The following SPTB variants were observed in gnomAD, a reference collection of about 807,000 sequenced individuals.
The protein encoded by SPTB is spectrin beta, erythrocytic.
In SPTB, 45 loss-of-function variants were observed where a neutral mutation model predicts 256.2. The ratio of observed to expected loss-of-function variants is 0.18; its 90% CI spans 0.14 to 0.23. The LOEUF (loss-of-function observed/expected upper bound fraction) is 0.23, where lower values mean the gene tolerates loss of function less well. Ranked by LOEUF, SPTB falls within the 10% of genes least tolerant of loss-of-function variation. The probability of loss-of-function intolerance (pLI) is 1.00; values close to 1 mark genes in which losing one functional copy is unlikely to be tolerated. For missense variants in SPTB, 2,715 were observed against 3,040.4 expected (o/e 0.89, Z 2.52); for synonymous variants, 1,231 against 1,243.1 (o/e 0.99, Z 0.21).
rs541042929 is a variant in SPTB, at chr14:64,792,100, C to T, written c.2667-244G>A. On this transcript the variant is annotated intron_variant, in intron 14 of 35. Coordinates refer to ENST00000644917, the MANE Select transcript of SPTB (RefSeq NM_001355436.2). The surrounding 1 kb of genome is among the most constrained non-coding windows in gnomAD (Gnocchi z 4.2). Reference sequence around the variant, plus strand: ...GGGAGAGAGCCAGTTACTTCCTACACGGGCTTCTGGCTCAAGAGAGACATA... The same window carrying T: ...GGGAGAGAGCCAGTTACTTCCTACATGGGCTTCTGGCTCAAGAGAGACATA... Among the ~76,000 whole-genome samples the T allele has an allele frequency of 4.3e-4, 66 of 152,278 alleles. No individual in the cohort carries two copies. The highest frequency in any genetic ancestry group is 1.5e-3 in the African/African-American group (61 of 41,544).
At position 64,848,853 on chromosome 14, in the gene SPTB, T is replaced by C. The variant is rs200090004; in HGVS notation, c.-51-25708A>G. On this transcript the variant is annotated intron_variant, in intron 1 of 35. Coordinates refer to ENST00000644917, the MANE Select transcript of SPTB (RefSeq NM_001355436.2). ...AGCCACATAATACTCTTGACTTATGTAATCATATTTATATTAATAAAAATC... is the reference window on the plus strand; with the variant it reads ...AGCCACATAATACTCTTGACTTATGCAATCATATTTATATTAATAAAAATC... Among the ~76,000 whole-genome samples the C allele has an allele frequency of 7.2e-5, 11 of 152,374 alleles. No individual in the cohort carries two copies. The East Asian group carries it at 2.1e-3, about 29-fold the overall frequency.
rs1163836030 is a variant in SPTB, at chr14:64,866,857, G to A, written c.-52+12935C>T. Among the ~76,000 whole-genome samples, 5 of 152,066 alleles carry A rather than the reference G, an allele frequency of 3.3e-5. No homozygotes were observed. Among genetic ancestry groups the A allele is most frequent in the Non-Finnish European group, 7.4e-5 (5 of 68,016 alleles). ...CCCAGAAAAATAAAACCTCTATACA[G>A]GAATTTTCAGTCTTTTTTTTCTGAA... On this transcript the variant is annotated intron_variant, in intron 1 of 35. Coordinates refer to ENST00000644917, the MANE Select transcript of SPTB (RefSeq NM_001355436.2). The surrounding 1 kb of genome is among the most constrained non-coding windows in gnomAD (Gnocchi z 4.6).
rs2082565083 is a variant in SPTB at position 64,786,231 on chromosome 14, G to A, written c.3561+173C>T. ...GACCCAAGAACAAGGCGTAGTTTGG[G>A]ACACAAGGCTGGAAAAGGCCCCTAA... On this transcript the variant is annotated intron_variant, in intron 16 of 35. Coordinates refer to ENST00000644917, the MANE Select transcript of SPTB (RefSeq NM_001355436.2). The surrounding 1 kb of genome is among the most constrained non-coding windows in gnomAD (Gnocchi z 5.6). Among the ~76,000 whole-genome samples, 1 of 152,158 alleles carries A rather than the reference G, an allele frequency of 6.6e-6. No homozygotes were observed. The highest frequency in any genetic ancestry group is 2.4e-5 in the African/African-American group (1 of 41,436).
chr14:64,797,598 A>G (rs907004982), intron 10 of SPTB, 131 bp downstream of exon 10: 48 of 849,198 alleles, frequency 5.7e-5, no homozygotes, highest in South Asian at 2.4e-4. Flanking sequence ...ACTCCCCCAA[A>G]TAGTCAACAT....
chr14:64,773,650 G>T (rs1327372705), intron 24 of SPTB, among the ~76,000 whole-genome samples: 1 of 152,204 alleles, frequency 6.6e-6, no homozygotes, highest in Non-Finnish European at 1.5e-5. Context: ...GTCCTGGAGG[G>T]GTGCTTCCCA....
chr14:64,769,194 G>T, intron 28 of SPTB, 76 bp from the exon 29 acceptor site: 2 of 1,361,038 alleles, frequency 1.5e-6, no homozygotes, highest in Non-Finnish European at 2.1e-6. Flanking sequence ...GATGGGTCCT[G>T]CAAAGAATGC....
intron 1 of SPTB, among the ~76,000 whole-genome samples, chr14:64,863,080 G>A (rs2139806489): frequency 6.6e-6 from 1 of 152,152 alleles, no homozygotes; most frequent in South Asian, 2.1e-4. Flanking sequence ...ACCCTCTTGA[G>A]TCCTTTGTTA....
intron 2 of SPTB, among the ~76,000 whole-genome samples, chr14:64,818,177 C>T (rs993554005): frequency 6.6e-6 from 1 of 152,192 alleles, no homozygotes; most frequent in African/African-American, 2.4e-5. Flanking sequence ...AAATGAGAGG[C>T]CCTATTTAGT....
At position 64,793,933 on chromosome 14, in the gene SPTB, T is replaced by A; in HGVS notation, c.1796-66A>T. The A allele has an allele frequency of 1.3e-6, 2 of 1,527,154 alleles. No homozygotes were observed. The highest frequency in any genetic ancestry group is 1.8e-6 in the Non-Finnish European group (2 of 1,139,446). 94.6% of individuals were successfully genotyped at this position (1,527,154 alleles called of 1,614,324 possible). A position where few individuals can be genotyped will look rare whatever the true frequency, so the allele number is the denominator to read the frequency against. ...GCTTCATTTATGGGCACGCTTCAGA[T>A]AAGCTGCTAGGTTGGAACTACACAA... is the stretch of plus-strand genomic sequence containing the variant. On this transcript the variant is annotated intron_variant, in intron 13 of 35. Transcript: ENST00000644917. The surrounding 1 kb of genome is among the most constrained non-coding windows in gnomAD (Gnocchi z 7.0).
chr14:64,782,134 G>C (rs909070880), intron 20 of SPTB, among the ~76,000 whole-genome samples, 156 bp downstream of exon 20: 2 of 152,178 alleles, frequency 1.3e-5, no homozygotes, highest in Non-Finnish European at 2.9e-5. Context: ...CCTGGGTGAT[G>C]TAATAATATG....
intron 1 of SPTB, among the ~76,000 whole-genome samples, chr14:64,839,500 G>C (rs378391): frequency 0.91 from 137,752 of 152,184 alleles, 63,237 homozygotes; most frequent in Non-Finnish European, 0.98. Context: ...GGTGATACAA[G>C]TATATATATT....
intron 15 of SPTB, among the ~76,000 whole-genome samples, chr14:64,788,110 C>G (rs2082605833): frequency 6.6e-6 from 1 of 152,188 alleles, no homozygotes; most frequent in Non-Finnish European, 1.5e-5. Context: ...TTCATGTGCA[C>G]AGCACCTAAC....
rs910983805 is a variant in SPTB, at chr14:64,802,864, T to C, written c.475-547A>G. ...GCAGAGAATCAGTGACAAGATGCCCTGATTCCTCCTCTGGAGGTGCAATGC... is the reference window on the plus strand; with the variant it reads ...GCAGAGAATCAGTGACAAGATGCCCCGATTCCTCCTCTGGAGGTGCAATGC... On this transcript the variant is annotated intron_variant, in intron 4 of 35. Transcript: ENST00000644917. This position sits in a 1 kb window ranked among gnomAD's most constrained non-coding sequence, Gnocchi z 5.1. Among the ~76,000 whole-genome samples the C allele has an allele frequency of 6.6e-6, 1 of 152,206 alleles. No homozygotes were observed. The highest frequency in any genetic ancestry group is 2.4e-5 in the African/African-American group (1 of 41,458).
rs750065922 is a variant in SPTB at position 64,793,737 on chromosome 14, G to T, written c.1926C>A (p.Phe642Leu). The change falls in exon 14 of 36, where the codon TTC becomes TTA. Residue 642 changes from phenylalanine (F) to leucine (L), a missense_variant. By Grantham distance (22) the Phe-to-Leu change is conservative. Transcript: ENST00000644917. This position sits in a 1 kb window ranked among gnomAD's most constrained non-coding sequence, Gnocchi z 7.0. ...TCTCAGCCTCATCCATCTCCCAGAAGAACTTCCAGAGTCGTTTGGACTGCT... is the reference window on the plus strand; with the variant it reads ...TCTCAGCCTCATCCATCTCCCAGAATAACTTCCAGAGTCGTTTGGACTGCT... ...QLEQSKRLWKFFWEMDEAESW... is the reference protein window; with the variant it reads ...QLEQSKRLWKLFWEMDEAESW... The T allele has an allele frequency of 3.7e-6, 6 of 1,614,220 alleles. No homozygotes were observed. The highest frequency in any genetic ancestry group is 3.3e-5 in the South Asian group (3 of 91,088).
intron 1 of SPTB, among the ~76,000 whole-genome samples, chr14:64,854,571 C>T (rs982867638): frequency 1.3e-5 from 2 of 152,074 alleles, no homozygotes; most frequent in Admixed American, 1.3e-4. Flanking sequence ...AGCCACCGCG[C>T]CCGGCCAGTT....
rs564702418 is a variant in SPTB at position 64,790,770 on chromosome 14, A to C, written c.2804+949T>G. Among the ~76,000 whole-genome samples the C allele has an allele frequency of 1.2e-4, 19 of 152,344 alleles. No homozygotes were observed. The highest frequency in any genetic ancestry group is 4.1e-4 in the African/African-American group (17 of 41,582). ...GGTGAACATGTGGCATTGCATGTGC[A>C]GGGCCCACGGTAAAGACAGGGAATG... On this transcript the variant is annotated intron_variant, in intron 15 of 35. Transcript: ENST00000644917. This position sits in a 1 kb window ranked among gnomAD's most constrained non-coding sequence, Gnocchi z 4.8.
Position 64,758,382 on chromosome 14 carries a change from C to T in SPTB, c.6346-4589G>A, listed in dbSNP as rs778969180. Reference sequence around the variant, plus strand: ...GACAGGAAGGGAGAAGCCATGTGAACAGGTAAGCAGTGCAGGAGGGCCTGA... The same window carrying T: ...GACAGGAAGGGAGAAGCCATGTGAATAGGTAAGCAGTGCAGGAGGGCCTGA... On this transcript the variant is annotated intron_variant, in intron 32 of 35. Transcript: ENST00000644917. This position sits in a 1 kb window ranked among gnomAD's most constrained non-coding sequence, Gnocchi z 4.6. Among the ~76,000 whole-genome samples, 1 of 152,200 alleles carries T rather than the reference C, an allele frequency of 6.6e-6. No individual in the cohort carries two copies. The highest frequency in any genetic ancestry group is 1.5e-5 in the Non-Finnish European group (1 of 68,038).
chr14:64,804,730 G>A (rs139347696), intron 3 of SPTB, among the ~76,000 whole-genome samples: 137 of 152,292 alleles, frequency 9.0e-4, no homozygotes, highest in African/African-American at 3.1e-3. Flanking sequence ...ATGAAGGGGT[G>A]GGAGTGGTCA....
Position 64,866,992 on chromosome 14 carries a change from T to C in SPTB, c.-52+12800A>G, listed in dbSNP as rs1882222052. Among the ~76,000 whole-genome samples the C allele has an allele frequency of 1.3e-5, 2 of 152,276 alleles. No homozygotes were observed. Among genetic ancestry groups the C allele is most frequent in the South Asian group, 2.1e-4 (1 of 4,828 alleles). On this transcript the variant is annotated intron_variant, in intron 1 of 35. Coordinates refer to ENST00000644917, the MANE Select transcript of SPTB (RefSeq NM_001355436.2). The surrounding 1 kb of genome is among the most constrained non-coding windows in gnomAD (Gnocchi z 4.6). ...GCATTCTGAGGGTCAGCTTCAAACATTCACTGAAAAATGAGGTGGGAGTGA... is the reference window on the plus strand; with the variant it reads ...GCATTCTGAGGGTCAGCTTCAAACACTCACTGAAAAATGAGGTGGGAGTGA...
Sources: allele counts gnomAD v4.1 joint callset (sites outside exome capture counted in the v4.1 genomes callset), GRCh38; gene constraint gnomAD v4.1.1; non-coding constraint Gnocchi (gnomAD v3.1); transcripts MANE v1.5; gene names NCBI Gene and HGNC (gene_info 2026-07-23, HGNC 2026-07-21).